Variants in MASTL observed in about 807,000 individuals in gnomAD.
MASTL encodes microtubule associated serine/threonine kinase like.
In MASTL, 54 loss-of-function variants were observed where a neutral mutation model predicts 82.5. The observed-to-expected ratio is 0.65, with a 90% CI of 0.53 to 0.82. MASTL has a LOEUF of 0.82. MASTL is among the 40% of genes least tolerant of loss of function. MASTL has a pLI of 0.00. For missense variants in MASTL, 950 were observed against 1,047.8 expected (o/e 0.91, Z 1.29); for synonymous variants, 323 against 368.9 (o/e 0.88, Z 1.43).
At chr10:27,173,880 ATCTTACC>A (rs2136104076) in intron 9 of MASTL, among the ~76,000 whole-genome samples, 1 of 151,962 alleles carries the variant, frequency 6.6e-6, no homozygotes, top group Non-Finnish European at 1.5e-5. Flanking sequence ...TACCCGGCCT[ATCTTACC>A]TCTTAATGTT....
intron 4 of MASTL, among the ~76,000 whole-genome samples, chr10:27,162,726 A>G: frequency 6.6e-6 from 1 of 152,150 alleles, no homozygotes; most frequent in Admixed American, 6.6e-5. Context: ...ATGGGAAAGT[A>G]TTAATAATGA....
In MASTL at chr10:27,158,575, C is replaced by T. The variant is rs769123314; in HGVS notation, c.213C>T (p.Asn71=). The part of the protein sequence containing the change: ...VKVVKKADMI[N]KNMTHQVQAE... ...TTGTTAAAAAAGCAGACATGATCAA[C>T]AAAAATATGACTCATCAGGTCCAAG... Residue 71 remains asparagine, a synonymous_variant, in exon 2 of 12, where the codon AAC becomes AAT. Coordinates refer to ENST00000375940, the MANE Select transcript of MASTL (RefSeq NM_001172303.3). 6.2e-7 allele frequency: 1 copy of T among 1,608,846 alleles called. No individual in the cohort carries two copies. The highest frequency in any genetic ancestry group is 1.1e-5 in the South Asian group (1 of 90,954).
intron 8 of MASTL, 116 bp downstream of exon 8, chr10:27,171,199 G>A: frequency 1.1e-6 from 1 of 887,818 alleles, no homozygotes; most frequent in Non-Finnish European, 1.8e-6. Flanking sequence ...TCTTCTTGTT[G>A]AGAATCTGTG....
intron 11 of MASTL, among the ~76,000 whole-genome samples, chr10:27,182,719 G>A (rs545209091): frequency 6.6e-6 from 1 of 152,088 alleles, no homozygotes; most frequent in East Asian, 1.9e-4. Flanking sequence ...TTTCAGCCTG[G>A]GAAACAAAGT....
chr10:27,158,879 T>C (rs2057479925), intron 2 of MASTL, among the ~76,000 whole-genome samples, 193 bp downstream of exon 2: 1 of 152,138 alleles, frequency 6.6e-6, no homozygotes, highest in Non-Finnish European at 1.5e-5. Context: ...ATGCATACGG[T>C]GCGTGTGTAT....
Position 27,156,317 on chromosome 10 carries a change from C to G in MASTL, c.186+705C>G, listed in dbSNP as rs541828964. ...GGGATTACTGGCGTGAGCCACCGCG[C>G]CCGGCGAGTTAGGTTTCTAAATCCA... On this transcript the variant is annotated intron_variant, in intron 1 of 11. Coordinates refer to ENST00000375940, the MANE Select transcript of MASTL (RefSeq NM_001172303.3). Among the ~76,000 whole-genome samples, 3 of 152,288 alleles carry G rather than the reference C, an allele frequency of 2.0e-5. No homozygotes were observed. In the South Asian group the frequency reaches 6.2e-4, roughly 32 times the overall value.
chr10:27,175,994 G>A (rs1296224210), intron 9 of MASTL, among the ~76,000 whole-genome samples: 2 of 152,028 alleles, frequency 1.3e-5, no homozygotes, highest in East Asian at 1.9e-4. Context: ...CTACTCAGGA[G>A]GCTGAGACAG....
intron 9 of MASTL, among the ~76,000 whole-genome samples, chr10:27,179,470 T>A (rs1045362221): frequency 1.3e-5 from 2 of 152,082 alleles, no homozygotes; most frequent in African/African-American, 4.8e-5. Flanking sequence ...GGCAGGAGAA[T>A]GGCGTGAACC....
At chr10:27,158,192 T>C (rs2057456402) in intron 1 of MASTL, among the ~76,000 whole-genome samples, 1 of 152,216 alleles carries the variant, frequency 6.6e-6, no homozygotes, top group African/African-American at 2.4e-5. Context: ...AGCGTTTTCA[T>C]GATGGCAACT....
chr10:27,170,140 C>T lies in MASTL; in HGVS notation c.1181C>T (p.Ser394Phe), dbSNP rs2057875168. Residue 394 changes from serine (S) to phenylalanine (F), a missense_variant, in exon 8 of 12, where the codon TCT becomes TTT. Physicochemically the swap from Ser to Phe is radical, Grantham distance 155. Coordinates refer to ENST00000375940, the MANE Select transcript of MASTL (RefSeq NM_001172303.3). ...GTAAACCTTGCTAAAAAATGCTTCT[C>T]TGGGGAAGTTTCTTGGGAAGCAGTA... ...SCVNLAKKCF[S>F]GEVSWEAVEL... 1 of 1,614,138 alleles carries T rather than the reference C, an allele frequency of 6.2e-7. No individual in the cohort carries two copies. The highest frequency in any genetic ancestry group is 8.5e-7 in the Non-Finnish European group (1 of 1,180,012).
chr10:27,176,186 A>G (rs2136123114), intron 9 of MASTL, among the ~76,000 whole-genome samples: 1 of 152,130 alleles, frequency 6.6e-6, no homozygotes, highest in Admixed American at 6.6e-5. Flanking sequence ...TCATGGTGAC[A>G]CAATCTTTGT....
At chr10:27,169,850 A>G in intron 7 of MASTL, 94 bp from the exon 8 acceptor site, 3 of 1,237,540 alleles carry the variant, frequency 2.4e-6, no homozygotes, top group South Asian at 2.6e-5. Flanking sequence ...ATAATAGTTT[A>G]TGGGGTCATT....
rs779042509 is a variant in MASTL, at chr10:27,165,469, A to G, written c.741A>G (p.Gln247=). Reference sequence around the variant, plus strand: ...TGTCTGAAACATCACAGCTTTCTCAAGGACTCGTATGCCCTATGTCTGTAG... The same window carrying G: ...TGTCTGAAACATCACAGCTTTCTCAGGGACTCGTATGCCCTATGTCTGTAG... ...ACLSETSQLS[Q]GLVCPMSVDQ... Residue 247 remains glutamine, a synonymous_variant, in exon 6 of 12, where the codon CAA becomes CAG. Coordinates refer to ENST00000375940, the MANE Select transcript of MASTL (RefSeq NM_001172303.3). 6.2e-7 allele frequency: 1 copy of G among 1,614,158 alleles called. No individual in the cohort carries two copies. The highest frequency in any genetic ancestry group is 1.1e-5 in the South Asian group (1 of 91,082).
At chr10:27,186,346 TATC>T (rs2058748881) in intron 11 of MASTL, 30 bp from the exon 12 acceptor site, 3 of 1,593,172 alleles carry the variant, frequency 1.9e-6, no homozygotes, top group South Asian at 1.1e-5. Context: ...TAGGTAATGA[TATC>T]ATACTGTTTT....
chr10:27,186,327 G>C (rs1359837356), intron 11 of MASTL, 52 bp from the exon 12 acceptor site: 8 of 1,510,202 alleles, frequency 5.3e-6, no homozygotes, highest in Non-Finnish European at 7.4e-6. Context: ...CTGTAAAGCA[G>C]TACTTACTTA....
At chr10:27,166,985 TTAATA>T in intron 6 of MASTL, 112 bp from the exon 7 acceptor site, 2 of 122,568 alleles carry the variant, frequency 1.6e-5, no homozygotes, top group Non-Finnish European at 3.5e-5. Flanking sequence ...TATGTAATTC[TTAATA>T]CATATTAATA....
rs1158418573 is a variant in MASTL, at chr10:27,170,073, A to G, written c.1114A>G (p.Ile372Val). ...KKDLELALSP[I>V]HNSSALPTTG... ...GGATCTGGAGTTAGCTCTTTCTCCCATTCATAACAGCAGTGCCCTTCCCAC... is the reference window on the plus strand; with the variant it reads ...GGATCTGGAGTTAGCTCTTTCTCCCGTTCATAACAGCAGTGCCCTTCCCAC... The change falls in exon 8 of 12, where the codon ATT becomes GTT. Residue 372 changes from isoleucine to valine, a missense_variant. By Grantham distance (29) the Ile-to-Val change is conservative (BLOSUM62 3). Coordinates refer to ENST00000375940, the MANE Select transcript of MASTL (RefSeq NM_001172303.3). 1.9e-6 allele frequency: 3 copies of G among 1,614,222 alleles called. No homozygotes were observed. The highest frequency in any genetic ancestry group is 3.3e-5 in the Admixed American group (2 of 60,024).
In MASTL at chr10:27,171,030, T is replaced by C. The variant is rs916476748; in HGVS notation, c.2071T>C (p.Tyr691His). The C allele has an allele frequency of 1.2e-6, 2 of 1,614,146 alleles. No individual in the cohort carries two copies. The highest frequency in any genetic ancestry group is 1.7e-4 in the Middle Eastern group (1 of 6,060). The change falls in exon 8 of 12, where the codon TAT becomes CAT. Residue 691 changes from tyrosine to histidine, a missense_variant. Coordinates refer to ENST00000375940, the MANE Select transcript of MASTL (RefSeq NM_001172303.3). ...MDISCAYSGS[Y>H]PMAITPTQKR... ...TATTTCGTGTGCCTACAGTGGTTCATATCCCATGGCTATAACCCCTACTCA... is the reference window on the plus strand; with the variant it reads ...TATTTCGTGTGCCTACAGTGGTTCACATCCCATGGCTATAACCCCTACTCA...
At chr10:27,180,885 A>T in intron 9 of MASTL, 68 bp from the exon 10 acceptor site, 1 of 1,063,090 alleles carries the variant, frequency 9.4e-7, no homozygotes. Flanking sequence ...CTCCACAATT[A>T]ATATTTCTGT....
Sources: gnomAD v4.1 joint callset for allele counts (sites outside exome capture counted in the v4.1 genomes callset) on GRCh38, gnomAD v4.1.1 for gene constraint, MANE v1.5 for transcripts, NCBI Gene and HGNC (gene_info 2026-07-23, HGNC 2026-07-21) for gene names.